Variants in KLK4 observed in about 807,000 individuals in gnomAD.
KLK4 encodes kallikrein-4.
KLK4 carries 24 observed loss-of-function variants against 24.3 expected under a neutral mutation model. The ratio of observed to expected loss-of-function variants is 0.99; its 90% CI spans 0.72 to 1.39. The LOEUF is 1.39. Ranked by LOEUF, KLK4 falls within the 40% of genes most tolerant of loss-of-function variation. The pLI is 0.00. For synonymous variants in KLK4, 142 were observed against 138.8 expected (o/e 1.02, Z -0.16); for missense variants, 344 against 327.4 (o/e 1.05, Z -0.39).
chr19:50,910,593 G>T lies in KLK4; in HGVS notation c.61+85C>A. The T allele has an allele frequency of 7.7e-7, 1 of 1,295,500 alleles. No individual in the cohort carries two copies. Among genetic ancestry groups the T allele is most frequent in the Non-Finnish European group, 1.1e-6 (1 of 913,990 alleles). The allele number at this position is 1,295,500 out of a possible 1,614,324, so 80.3% of individuals were successfully genotyped here. A position where few individuals can be genotyped will look rare whatever the true frequency, so the allele number is the denominator to read the frequency against. On this transcript the variant is annotated intron_variant, in intron 2 of 5. Coordinates refer to ENST00000324041, the Ensembl canonical transcript of KLK4. This position sits in a 1 kb window ranked among gnomAD's most constrained non-coding sequence, Gnocchi z 4.4. Reference sequence around the variant, plus strand: ...CTCACAGGCAGCTTTGCAGTCACAAGCAAGAGGACACTGAGTCACACCTGA... The same window carrying T: ...CTCACAGGCAGCTTTGCAGTCACAATCAAGAGGACACTGAGTCACACCTGA...
chr19:50,908,141 G>C (rs993877063), intron 5 of KLK4: 7 of 629,594 alleles, frequency 1.1e-5, no homozygotes, highest in Non-Finnish European at 1.9e-5. Flanking sequence ...ATGTGTGTGT[G>C]TTTCTGCCTC....
At chr19:50,909,263 G>A (rs2090464072) in exon 3 of KLK4, 4 of 1,614,168 alleles carry the variant, frequency 2.5e-6, no homozygotes, top group East Asian at 4.5e-5. Flanking sequence ...TCTGGAAACA[G>A]TGTGCGGCTG....
chr19:50,906,827 G>A (rs1462430897), exon 6 of KLK4: 48 of 1,373,050 alleles, frequency 3.5e-5, no homozygotes, highest in Non-Finnish European at 4.2e-5. Context: ...GGGGCTGGGG[G>A]CCTGGACTCC....
At chr19:50,909,106 C>A in intron 3 of KLK4, 146 bp downstream of exon 3, 1 of 1,383,818 alleles carries the variant, frequency 7.2e-7, no homozygotes, top group Non-Finnish European at 9.3e-7. Flanking sequence ...CAGCCCTTCC[C>A]TCTGGGGCTC....
chr19:50,910,600 G>T lies in KLK4; in HGVS notation c.61+78C>A, dbSNP rs951607363. 8 of 1,337,108 alleles carry T rather than the reference G, an allele frequency of 6.0e-6. No homozygotes were observed. The Admixed American group carries it at 1.6e-4, about 26-fold the overall frequency. 82.8% of individuals were successfully genotyped at this position (1,337,108 alleles called of 1,614,324 possible). On this transcript the variant is annotated intron_variant, in intron 2 of 5. Transcript: ENST00000324041. This position sits in a 1 kb window ranked among gnomAD's most constrained non-coding sequence, Gnocchi z 4.4. ...GCAGCTTTGCAGTCACAAGCAAGAG[G>T]ACACTGAGTCACACCTGAACATTAA... is the stretch of plus-strand genomic sequence containing the variant.
Position 50,909,357 on chromosome 19 carries a change from T to C in KLK4, c.119A>G (p.His40Arg), listed in dbSNP as rs570052873. ...CAGTGCCGCCTGCCAGGGCTGCGAG[T>C]GCGGGCTGCAGTCCTCGCCGTTTAT... is the stretch of plus-strand genomic sequence containing the variant. Residue 40 changes from histidine to arginine, a missense_variant, in exon 3 of 6, where the codon CAC (histidine) becomes CGC (arginine). His to Arg is a conservative substitution (Grantham distance 29, BLOSUM62 0). Coordinates refer to ENST00000324041, the Ensembl canonical transcript of KLK4. 8.1e-6 allele frequency: 13 copies of C among 1,614,114 alleles called. No homozygotes were observed. In the South Asian group the frequency reaches 1.4e-4, roughly 18 times the overall value.
At chr19:50,909,059 A>T in intron 3 of KLK4, 193 bp downstream of exon 3, 1 of 1,478,182 alleles carries the variant, frequency 6.8e-7, no homozygotes, top group East Asian at 2.5e-5. Context: ...TCAAGTCAGG[A>T]CTCTCTGAGT....
chr19:50,906,920 C>T (rs753768144), exon 6 of KLK4: 12 of 1,613,936 alleles, frequency 7.4e-6, no homozygotes, highest in South Asian at 1.1e-5. Flanking sequence ...TTCATGGGTT[C>T]CCAGTCCCCA....
rs572151340 is a variant in KLK4, at chr19:50,909,046, A to G, written c.224+206T>C. On this transcript the variant is annotated intron_variant, in intron 3 of 5. Coordinates refer to ENST00000324041, the Ensembl canonical transcript of KLK4. ...ACTAGAGACTCAGCACTGGGCTGAG[A>G]TTTCAAGTCAGGACTCTCTGAGTCC... 233 of 1,477,350 alleles carry G rather than the reference A, an allele frequency of 1.6e-4. No individual in the cohort carries two copies. The African/African-American group carries it at 2.9e-3, about 18-fold the overall frequency. 91.5% of individuals were successfully genotyped at this position (1,477,350 alleles called of 1,614,324 possible). A position where few individuals can be genotyped will look rare whatever the true frequency, so the allele number is the denominator to read the frequency against.
exon 6 of KLK4, chr19:50,907,073 C>T (rs202006058): frequency 6.2e-7 from 1 of 1,614,092 alleles, no homozygotes; most frequent in East Asian, 2.2e-5. Flanking sequence ...GATCAGGGGC[C>T]CCCCAGAGTC....
exon 3 of KLK4, chr19:50,909,368 G>A: frequency 2.5e-6 from 4 of 1,614,224 alleles, no homozygotes; most frequent in Non-Finnish European, 3.4e-6. Context: ...GCGGGCTGCA[G>A]TCCTCGCCGT....
chr19:50,908,658 G>C (rs2090456861), exon 4 of KLK4: 1 of 1,614,106 alleles, frequency 6.2e-7, no homozygotes, highest in South Asian at 1.1e-5. Context: ...TGATGCTCCG[G>C]ATGGTGTCAG....
At chr19:50,909,061 T>G in intron 3 of KLK4, 191 bp downstream of exon 3, 1 of 1,477,768 alleles carries the variant, frequency 6.8e-7, no homozygotes, top group Non-Finnish European at 9.0e-7. Context: ...AAGTCAGGAC[T>G]CTCTGAGTCC....
At chr19:50,907,769 T>C (rs2090446979) in intron 5 of KLK4, among the ~76,000 whole-genome samples, 1 of 152,206 alleles carries the variant, frequency 6.6e-6, no homozygotes, top group Non-Finnish European at 1.5e-5. Flanking sequence ...TCTGTGTCAC[T>C]GTTTCCCTCT....
At chr19:50,908,458 C>A in exon 5 of KLK4, 1 of 1,614,166 alleles carries the variant, frequency 6.2e-7, no homozygotes, top group South Asian at 1.1e-5. Flanking sequence ...CAGACACCAC[C>A]GACACGTTCA....
At chr19:50,909,114 C>A (rs1377684882) in intron 3 of KLK4, 138 bp downstream of exon 3, 3 of 1,537,828 alleles carry the variant, frequency 2.0e-6, no homozygotes, top group Non-Finnish European at 2.6e-6. Context: ...CCCTCTGGGG[C>A]TCCCCGGATC....
Position 50,910,938 on chromosome 19 carries a change from A to G in KLK4, c.-11-189T>C, listed in dbSNP as rs1304109057. 2.4e-5 allele frequency among the ~76,000 whole-genome samples: 3 copies of G among 122,680 alleles called. No homozygotes were observed. Among genetic ancestry groups the G allele is most frequent in the Non-Finnish European group, 5.3e-5 (3 of 56,542 alleles). 80.5% of individuals were successfully genotyped at this position (122,680 alleles called of 152,430 possible). On this transcript the variant is annotated intron_variant, in intron 1 of 5. Coordinates refer to ENST00000324041, the Ensembl canonical transcript of KLK4. This position sits in a 1 kb window ranked among gnomAD's most constrained non-coding sequence, Gnocchi z 4.4. ...ACAGATTTAGAGACTGAGAGAGAAA[A>G]AGAGAGAGAGAGATGGGAAAAGAGA...
intron 2 of KLK4, 119 bp from the exon 3 acceptor site, chr19:50,909,533 G>T: frequency 8.9e-7 from 1 of 1,118,244 alleles, no homozygotes; most frequent in Non-Finnish European, 1.3e-6. Context: ...TCCTCGGGGC[G>T]GAGTCAGGGC....
At chr19:50,908,800 C>G in exon 4 of KLK4, 4 of 1,613,374 alleles carry the variant, frequency 2.5e-6, no homozygotes, top group Non-Finnish European at 3.4e-6. Flanking sequence ...GGCCTCAAGA[C>G]TGTGCAGGCC....
Sources: gnomAD v4.1 joint callset for allele counts (sites outside exome capture counted in the v4.1 genomes callset) on GRCh38, gnomAD v4.1.1 for gene constraint, Gnocchi (gnomAD v3.1) non-coding constraint, MANE v1.5 for transcripts, NCBI Gene and HGNC (gene_info 2026-07-23, HGNC 2026-07-21) for gene names.